The following NETO1 variants were observed in gnomAD, a reference collection of about 807,000 sequenced individuals.
The protein encoded by NETO1 is neuropilin and tolloid-like protein 1.
A neutral mutation model predicts 61.3 loss-of-function variants in NETO1; 26 were observed. That is an observed-to-expected ratio of 0.42 (90% CI 0.31 to 0.59). The LOEUF (loss-of-function observed/expected upper bound fraction) is 0.59. Among genes scored for constraint, NETO1 ranks in the 20% least tolerant of loss-of-function variants. NETO1 has a pLI of 0.12. For missense variants in NETO1, 531 were observed against 662.8 expected, an observed-to-expected ratio of 0.80 and a Z score of 2.18; for synonymous variants, 225 against 225.8, an observed-to-expected ratio of 1.00 and a Z score of 0.03.
intron 4 of NETO1, among the ~76,000 whole-genome samples, chr18:72,808,423 G>GTGTGTA (rs1361131440): frequency 7.1e-6 from 1 of 140,272 alleles, no homozygotes; most frequent in Non-Finnish European, 1.5e-5. Context: ...GCAGATTTGT[G>GTGTGTA]TGTGTGTGTG....
chr18:72,763,668 G>A (rs972270063), intron 7 of NETO1, among the ~76,000 whole-genome samples: 3 of 151,814 alleles, frequency 2.0e-5, no homozygotes, highest in East Asian at 1.9e-4. Context: ...CACAGCCACA[G>A]TCACACCTCT....
At chr18:72,788,218 G>A (rs2145251503) in intron 6 of NETO1, among the ~76,000 whole-genome samples, 1 of 152,238 alleles carries the variant, frequency 6.6e-6, no homozygotes, top group Admixed American at 6.5e-5. Flanking sequence ...ACACTAATTA[G>A]AGAGTAAGTG....
intron 8 of NETO1, among the ~76,000 whole-genome samples, chr18:72,755,000 G>A (rs2070740170): frequency 6.6e-6 from 1 of 152,002 alleles, no homozygotes; most frequent in South Asian, 2.1e-4. Flanking sequence ...TATCACAAGA[G>A]AATGAATTAA....
chr18:72,817,057 C>T lies in NETO1; in HGVS notation c.470-22653G>A, dbSNP rs2073053339. On this transcript the variant is annotated intron_variant, in intron 4 of 10. Transcript: ENST00000327305. ...AAGATGCTCTCCAGCAATTCCTCGT[C>T]TCCCTTTATAGGGATGACAGTTTCC... Among the ~76,000 whole-genome samples the T allele has an allele frequency of 1.3e-5, 2 of 152,230 alleles. 1 individual carries two copies. Among genetic ancestry groups the T allele is most frequent in the South Asian group, 4.1e-4 (2 of 4,836 alleles).
At chr18:72,775,812 T>A (rs2071527603) in intron 7 of NETO1, among the ~76,000 whole-genome samples, 1 of 152,132 alleles carries the variant, frequency 6.6e-6, no homozygotes, top group African/African-American at 2.4e-5. Context: ...AGCATGGGGT[T>A]AAGTATGTGT....
rs1380488644 is a variant in NETO1, at chr18:72,867,923, T to G, written c.-632A>C. 5.3e-5 allele frequency: 8 copies of G among 151,684 alleles called. No homozygotes were observed. The highest frequency in any genetic ancestry group is 1.9e-4 in the African/African-American group (8 of 41,108). The allele number at this position is 151,684 out of a possible 1,614,324, so 9.4% of individuals were successfully genotyped here. A position where few individuals can be genotyped will look rare whatever the true frequency, so the allele number is the denominator to read the frequency against. ...CCTTGGGGATCTTCCGCTGAGGCAT[T>G]GAAGGCAGGAAGAAGGGGTCCGTCA... On this transcript the variant is annotated 5_prime_UTR_variant, in exon 1 of 11. Transcript: ENST00000327305.
chr18:72,866,092 A>T (rs550114466), intron 1 of NETO1, among the ~76,000 whole-genome samples: 362 of 152,270 alleles, frequency 2.4e-3, no homozygotes, highest in Non-Finnish European at 4.3e-3. Context: ...ACAAGACAAA[A>T]CACTAGCAAA....
At chr18:72,837,550 C>T (rs1370626620) in intron 4 of NETO1, among the ~76,000 whole-genome samples, 2 of 152,128 alleles carry the variant, frequency 1.3e-5, no homozygotes, top group Admixed American at 6.6e-5. Flanking sequence ...TTTTAGGCTG[C>T]AATTTTTAAA....
chr18:72,859,107 A>C, intron 3 of NETO1, 33 bp from the exon 4 acceptor site: 1 of 1,539,316 alleles, frequency 6.5e-7, no homozygotes, highest in Non-Finnish European at 8.7e-7. Flanking sequence ...CTAGGAGGTC[A>C]TTTCTTACAT....
At chr18:72,767,082 T>C (rs2071191374) in intron 7 of NETO1, among the ~76,000 whole-genome samples, 1 of 152,182 alleles carries the variant, frequency 6.6e-6, no homozygotes, top group Non-Finnish European at 1.5e-5. Flanking sequence ...ACATTATTCT[T>C]TTATAAAGGT....
chr18:72,818,422 G>A (rs1352427924), intron 4 of NETO1, among the ~76,000 whole-genome samples: 3 of 152,204 alleles, frequency 2.0e-5, no homozygotes, highest in Admixed American at 6.5e-5. Flanking sequence ...GGCACAATGA[G>A]CAGCTGAGGA....
At chr18:72,753,008 A>G (rs1354526266) in intron 8 of NETO1, among the ~76,000 whole-genome samples, 4 of 151,258 alleles carry the variant, frequency 2.6e-5, no homozygotes, top group African/African-American at 4.9e-5. Flanking sequence ...AGAGCCTCAG[A>G]AAAAAAAATG....
chr18:72,866,757 CA>C (rs1323976222), intron 1 of NETO1: 4 of 990,536 alleles, frequency 4.0e-6, no homozygotes, highest in Non-Finnish European at 4.8e-6. Flanking sequence ...CATAAAGCGA[CA>C]TCAGCGGTCT....
At chr18:72,855,083 T>G (rs1016822622) in intron 4 of NETO1, among the ~76,000 whole-genome samples, 1 of 152,240 alleles carries the variant, frequency 6.6e-6, no homozygotes. Flanking sequence ...TTGATATGTC[T>G]TCTATTTTTT....
chr18:72,775,737 A>G (rs2145197534), intron 7 of NETO1, among the ~76,000 whole-genome samples: 1 of 152,334 alleles, frequency 6.6e-6, no homozygotes, highest in Non-Finnish European at 1.5e-5. Flanking sequence ...AGATATTCAC[A>G]AGAGAAATCA....
At chr18:72,866,533 G>A (rs1167438399) in intron 1 of NETO1, among the ~76,000 whole-genome samples, 1 of 152,078 alleles carries the variant, frequency 6.6e-6, no homozygotes, top group Admixed American at 6.5e-5. Context: ...CGCTCTTCCT[G>A]TTTTGATGAA....
At chr18:72,796,944 C>A (rs2072335838) in intron 4 of NETO1, among the ~76,000 whole-genome samples, 1 of 152,014 alleles carries the variant, frequency 6.6e-6, no homozygotes, top group Non-Finnish European at 1.5e-5. Context: ...TATTTAACAC[C>A]TACTGTGTAA....
chr18:72,842,376 T>A (rs1488448807), intron 4 of NETO1, among the ~76,000 whole-genome samples: 1 of 152,184 alleles, frequency 6.6e-6, no homozygotes, highest in East Asian at 1.9e-4. Flanking sequence ...TTATAAGCAC[T>A]GTTATTGCTA....
intron 4 of NETO1, among the ~76,000 whole-genome samples, chr18:72,841,216 G>C (rs2073919868): frequency 6.6e-6 from 1 of 152,136 alleles, no homozygotes; most frequent in Non-Finnish European, 1.5e-5. Context: ...TGAGAAGCTT[G>C]AACAAAATTT....
Sources: allele counts gnomAD v4.1 joint callset (sites outside exome capture counted in the v4.1 genomes callset), GRCh38; gene constraint gnomAD v4.1.1; transcripts MANE v1.5; gene names NCBI Gene and HGNC (gene_info 2026-07-23, HGNC 2026-07-21).